Variants in ROBO1 observed in about 807,000 individuals in gnomAD.
The protein encoded by ROBO1 is roundabout guidance receptor 1, also known as roundabout homolog 1.
In ROBO1, 149 loss-of-function variants were observed where a neutral mutation model predicts 195.9. That is an observed-to-expected ratio of 0.76 (90% confidence interval 0.67 to 0.87). The LOEUF is 0.87. Ranked by LOEUF, ROBO1 falls within the 40% of genes least tolerant of loss-of-function variation. ROBO1 has a pLI of 0.00. For missense variants in ROBO1, 1,933 were observed against 2,068.3 expected (o/e 0.93, Z 1.27); for synonymous variants, 816 against 733.2 (o/e 1.11, Z -1.82).
chr3:79,398,801 T>C (rs1001488638), intron 2 of ROBO1, among the ~76,000 whole-genome samples: 6 of 152,128 alleles, frequency 3.9e-5, no homozygotes, highest in African/African-American at 1.4e-4. Flanking sequence ...CTCAACTTTT[T>C]TAAAAAAGGT....
chr3:79,384,759 C>A (rs965511045), intron 2 of ROBO1, among the ~76,000 whole-genome samples: 5 of 151,948 alleles, frequency 3.3e-5, no homozygotes, highest in African/African-American at 1.2e-4. Context: ...AGCACACACA[C>A]GTTTTTAAAA....
intron 1 of ROBO1, among the ~76,000 whole-genome samples, chr3:79,752,678 G>A (rs1407343106): frequency 1.3e-5 from 2 of 152,028 alleles, no homozygotes; most frequent in Non-Finnish European, 2.9e-5. Flanking sequence ...AGTTAACACT[G>A]ACAGTATAAA....
chr3:79,274,827 G>T lies in ROBO1; in HGVS notation c.89-149288C>A, dbSNP rs191183899. On this transcript the variant is annotated intron_variant, in intron 2 of 30. Coordinates refer to ENST00000464233, the MANE Select transcript of ROBO1 (RefSeq NM_002941.4). ...ATTGCAACAAATACCGCAGAAATCC[G>T]AACGATCATTAGAGGTTAGTATGAG... Among the ~76,000 whole-genome samples the T allele has an allele frequency of 3.3e-5, 5 of 151,992 alleles. No homozygotes were observed. The East Asian group carries it at 5.8e-4, about 18-fold the overall frequency.
At position 78,746,814 on chromosome 3, in the gene ROBO1, C is replaced by G; in HGVS notation, c.586G>C (p.Gly196Arg). The change falls in exon 5 of 31, where the codon GGC becomes CGC. Residue 196 changes from glycine to arginine, a missense_variant. Transcript: ENST00000464233. Reference sequence around the variant, plus strand: ...CATGAAATGGTGGGCTCAGGATGGCCTCGTGGAGGTTGGCATTCCATTACT... The same window carrying G: ...CATGAAATGGTGGGCTCAGGATGGCGTCGTGGAGGTTGGCATTCCATTACT... ...PAVMECQPPR[G>R]HPEPTISWKK... The G allele has an allele frequency of 6.2e-7, 1 of 1,603,592 alleles. No homozygotes were observed. The highest frequency in any genetic ancestry group is 8.5e-7 in the Non-Finnish European group (1 of 1,172,480).
intron 2 of ROBO1, among the ~76,000 whole-genome samples, chr3:79,579,650 T>C (rs1453374301): frequency 6.6e-6 from 1 of 152,218 alleles, no homozygotes; most frequent in African/African-American, 2.4e-5. Flanking sequence ...CTTAGAATCA[T>C]TGTCTTGTAT....
chr3:79,598,851 G>A (rs1428647713), intron 1 of ROBO1, among the ~76,000 whole-genome samples: 1 of 152,026 alleles, frequency 6.6e-6, no homozygotes, highest in Non-Finnish European at 1.5e-5. Flanking sequence ...CTGCTTCCAG[G>A]AAGGAGAAAA....
chr3:79,063,588 C>T (rs2078956917), intron 3 of ROBO1, among the ~76,000 whole-genome samples: 1 of 150,914 alleles, frequency 6.6e-6, no homozygotes, highest in Admixed American at 6.6e-5. Context: ...AAATTTCAGT[C>T]CTCATTTTAC....
intron 3 of ROBO1, among the ~76,000 whole-genome samples, chr3:79,066,022 CT>C (rs2078997258): frequency 6.6e-6 from 1 of 151,900 alleles, no homozygotes; most frequent in East Asian, 1.9e-4. Context: ...AGACTTTAGA[CT>C]TGCCAAATGA....
chr3:79,171,413 C>CAAAAAAAAA (rs34894151), intron 2 of ROBO1, among the ~76,000 whole-genome samples: 1 of 65,848 alleles, frequency 1.5e-5, no homozygotes, highest in Non-Finnish European at 3.3e-5. Context: ...ATGAAAATTG[C>CAAAAAAAAA]AAAAAAAAAA....
chr3:79,735,059 GTGAA>G (rs1450070470), intron 1 of ROBO1, among the ~76,000 whole-genome samples: 1 of 152,194 alleles, frequency 6.6e-6, no homozygotes, highest in Non-Finnish European at 1.5e-5. Flanking sequence ...AATTACATGT[GTGAA>G]TGAATGACCA....
At chr3:79,413,518 T>G (rs1354840783) in intron 2 of ROBO1, among the ~76,000 whole-genome samples, 1 of 152,098 alleles carries the variant, frequency 6.6e-6, no homozygotes, top group East Asian at 1.9e-4. Context: ...CCGGTAGACT[T>G]CAGTTGAATG....
intron 2 of ROBO1, among the ~76,000 whole-genome samples, chr3:79,533,808 G>A (rs924959123): frequency 1.2e-4 from 19 of 152,108 alleles, no homozygotes; most frequent in African/African-American, 4.1e-4. Flanking sequence ...TCAAATCAAT[G>A]TGTAATAGAG....
At chr3:79,656,671 G>T (rs1482160070) in intron 1 of ROBO1, among the ~76,000 whole-genome samples, 2 of 151,828 alleles carry the variant, frequency 1.3e-5, no homozygotes, top group Non-Finnish European at 2.9e-5. Context: ...GAGGCAGGAG[G>T]ATTGCTTGAA....
At chr3:78,683,677 G>C (rs1166759568) in intron 10 of ROBO1, among the ~76,000 whole-genome samples, 1 of 152,026 alleles carries the variant, frequency 6.6e-6, no homozygotes, top group African/African-American at 2.4e-5. Context: ...ATTCAGTGGA[G>C]AAAGGATAAT....
chr3:79,292,580 G>C (rs760889887), intron 2 of ROBO1, among the ~76,000 whole-genome samples: 2 of 152,142 alleles, frequency 1.3e-5, no homozygotes, highest in African/African-American at 2.4e-5. Context: ...AGGGTTTTTA[G>C]CATGAAGGGT....
intron 2 of ROBO1, among the ~76,000 whole-genome samples, chr3:79,410,690 A>G (rs2037732566): frequency 6.6e-6 from 1 of 151,928 alleles, no homozygotes; most frequent in Non-Finnish European, 1.5e-5. Flanking sequence ...GAAAGGAGAG[A>G]AAGAAGGGAA....
intron 1 of ROBO1, among the ~76,000 whole-genome samples, chr3:79,626,313 T>C (rs1276748809): frequency 6.6e-6 from 1 of 152,000 alleles, no homozygotes; most frequent in East Asian, 1.9e-4. Context: ...GGTGTGGTGG[T>C]GCATGCCCAG....
At chr3:79,671,376 C>A (rs576154970) in intron 1 of ROBO1, among the ~76,000 whole-genome samples, 1 of 151,790 alleles carries the variant, frequency 6.6e-6, no homozygotes, top group Non-Finnish European at 1.5e-5. Context: ...AAATAGGTAC[C>A]CTATAAGAAT....
chr3:79,301,168 G>C (rs2032931356), intron 2 of ROBO1, among the ~76,000 whole-genome samples: 1 of 152,102 alleles, frequency 6.6e-6, no homozygotes, highest in African/African-American at 2.4e-5. Flanking sequence ...TCATCGCAAA[G>C]GTCTGCAGCT....
Sources: allele counts gnomAD v4.1 joint callset (sites outside exome capture counted in the v4.1 genomes callset), GRCh38; gene constraint gnomAD v4.1.1; transcripts MANE v1.5; gene names NCBI Gene and HGNC (gene_info 2026-07-23, HGNC 2026-07-21).